CAPN2: variants seen among roughly 807,000 people sequenced by gnomAD.
CAPN2 encodes calpain 2.
A neutral mutation model predicts 102.3 loss-of-function variants in CAPN2; 92 were observed. The ratio of observed to expected loss-of-function variants is 0.90; its 90% CI spans 0.76 to 1.07. CAPN2 has a LOEUF of 1.07. Among genes scored for constraint, CAPN2 ranks in the 50% least tolerant of loss-of-function variants. The pLI, the probability that CAPN2 is intolerant of heterozygous loss-of-function variation, is 0.00. For synonymous variants in CAPN2, 340 were observed against 355.4 expected (o/e 0.96, Z 0.49); for missense variants, 800 against 909.4 (o/e 0.88, Z 1.55).
intron 2 of CAPN2, among the ~76,000 whole-genome samples, chr1:223,729,230 C>T (rs968760584): frequency 9.2e-5 from 14 of 152,230 alleles, no homozygotes; most frequent in Non-Finnish European, 1.8e-4. Flanking sequence ...AGTACCCATA[C>T]AACCATTCTG....
chr1:223,746,773 C>A (rs1218870294), intron 4 of CAPN2, among the ~76,000 whole-genome samples: 1 of 152,088 alleles, frequency 6.6e-6, no homozygotes, highest in African/African-American at 2.4e-5. Flanking sequence ...AGCTACCGCG[C>A]CCGGCCTGAG....
upstream of CAPN2, among the ~76,000 whole-genome samples, chr1:223,708,910 A>AAAAG (rs1558377487): frequency 3.9e-5 from 6 of 151,944 alleles, no homozygotes; most frequent in Admixed American, 1.3e-4. Flanking sequence ...GAAAAGAAAA[A>AAAAG]AAAAGAGAGA....
intron 1 of CAPN2, among the ~76,000 whole-genome samples, chr1:223,716,977 T>C (rs1659891507): frequency 6.6e-6 from 1 of 152,182 alleles, no homozygotes; most frequent in African/African-American, 2.4e-5. Context: ...CTGTGAACTG[T>C]GTTAACTTTG....
At position 223,725,614 on chromosome 1, in the gene CAPN2, T is replaced by C. The variant is rs1465258387; in HGVS notation, c.307+7783T>C. ...TGAATACCCGACTGGGTCCCAGCTT[T>C]AGCACTTGACATTGGCGGCCACCTA... On this transcript the variant is annotated intron_variant, in intron 2 of 20. Transcript: ENST00000295006. This position sits in a 1 kb window ranked among gnomAD's most constrained non-coding sequence, Gnocchi z 4.1. Among the ~76,000 whole-genome samples the C allele has an allele frequency of 1.3e-5, 2 of 152,116 alleles. No homozygotes were observed.
chr1:223,735,724 G>A (rs1244981148), intron 2 of CAPN2, among the ~76,000 whole-genome samples: 1 of 151,982 alleles, frequency 6.6e-6, no homozygotes, highest in Non-Finnish European at 1.5e-5. Flanking sequence ...GCAGCGAGGG[G>A]GACAGCCAGC....
chr1:223,724,268 G>A (rs546436125), intron 2 of CAPN2, among the ~76,000 whole-genome samples: 16 of 152,162 alleles, frequency 1.1e-4, no homozygotes, highest in Non-Finnish European at 2.4e-4. Context: ...CTGGGGATTT[G>A]AGAAATGAAG....
chr1:223,741,435 A>ACT (rs1382515776), intron 2 of CAPN2, among the ~76,000 whole-genome samples: 1 of 40,592 alleles, frequency 2.5e-5, no homozygotes. Context: ...ATATATATAT[A>ACT]ATGTGTATAT....
chr1:223,751,193 G>A (rs1003046694), intron 7 of CAPN2, among the ~76,000 whole-genome samples: 12 of 152,170 alleles, frequency 7.9e-5, no homozygotes, highest in African/African-American at 2.7e-4. Flanking sequence ...CAGGCCCCAA[G>A]CTGCTCGTGT....
chr1:223,752,152 C>T (rs111269458), intron 8 of CAPN2, 81 bp downstream of exon 8: 6 of 991,964 alleles, frequency 6.0e-6, no homozygotes, highest in African/African-American at 1.6e-5. Context: ...GAAAGAGTGT[C>T]GGCCAAAGTG....
chr1:223,704,227 G>T (rs753976252), intron 1 of CAPN2, among the ~76,000 whole-genome samples: 3 of 152,112 alleles, frequency 2.0e-5, no homozygotes, highest in African/African-American at 4.8e-5. Context: ...GTGGGTAGAG[G>T]TCGCGGTGAG....
In CAPN2 at chr1:223,731,936, A is replaced by G. The variant is rs1400674049; in HGVS notation, c.308-12164A>G. Among the ~76,000 whole-genome samples, 1 of 152,194 alleles carries G rather than the reference A, an allele frequency of 6.6e-6. No individual in the cohort carries two copies. The highest frequency in any genetic ancestry group is 1.5e-5 in the Non-Finnish European group (1 of 68,032). On this transcript the variant is annotated intron_variant, in intron 2 of 20. Transcript: ENST00000295006. This position sits in a 1 kb window ranked among gnomAD's most constrained non-coding sequence, Gnocchi z 4.2. ...CTGAGTTCTTTCCCTACTTGGTATC[A>G]GTTGCAAAGAAAGAACACTCAGTTG...
Position 223,752,048 on chromosome 1 carries a change from A to G in CAPN2, c.951A>G (p.Arg317=). 1 of 1,613,190 alleles carries G rather than the reference A, an allele frequency of 6.2e-7. No homozygotes were observed. The highest frequency in any genetic ancestry group is 1.1e-5 in the South Asian group (1 of 91,044). ...IDPEERERLT[R]RHEDGEFWMS... ...CAGAGGAGAGGGAAAGGCTGACCAG[A>G]CGGCATGAAGATGGAGAATTCTGGT... is the stretch of plus-strand genomic sequence containing the variant. Residue 317 remains arginine, a synonymous_variant, in exon 8 of 21, where the codon AGA becomes AGG. Transcript: ENST00000295006.
At chr1:223,703,091 T>C (rs1222049640) in intron 1 of CAPN2, among the ~76,000 whole-genome samples, 2 of 152,154 alleles carry the variant, frequency 1.3e-5, no homozygotes, top group Non-Finnish European at 2.9e-5. Flanking sequence ...TTCTCCCCCA[T>C]TTGCTCTGCA....
chr1:223,711,838 C>T (rs774914293), upstream of CAPN2, among the ~76,000 whole-genome samples: 3 of 152,160 alleles, frequency 2.0e-5, no homozygotes, highest in South Asian at 6.2e-4. Context: ...CCAGGTGATC[C>T]GCCTGCCTCC....
At position 223,754,974 on chromosome 1, in the gene CAPN2, G is replaced by C. The variant is rs1558073782; in HGVS notation, c.1136-506G>C. 6.6e-6 allele frequency among the ~76,000 whole-genome samples: 1 copy of C among 152,118 alleles called. No individual in the cohort carries two copies. The highest frequency in any genetic ancestry group is 1.5e-5 in the Non-Finnish European group (1 of 68,026). Reference sequence around the variant, plus strand: ...TCCAGAGTGACAGACCAGTCCCCAAGACAAGCCAGCCTGGAGCCAGAGAGA... The same window carrying C: ...TCCAGAGTGACAGACCAGTCCCCAACACAAGCCAGCCTGGAGCCAGAGAGA... On this transcript the variant is annotated intron_variant, in intron 9 of 20. Coordinates refer to ENST00000295006, the MANE Select transcript of CAPN2 (RefSeq NM_001748.5). This position sits in a 1 kb window ranked among gnomAD's most constrained non-coding sequence, Gnocchi z 4.7.
rs1051075732 is a variant in CAPN2, at chr1:223,771,965, T to G, written c.2020+40T>G. On this transcript the variant is annotated intron_variant, in intron 19 of 20. Transcript: ENST00000295006. ...GGGGAATGACTCATTTCAGTTCTCT[T>G]GGTATTAAAGTGGCCTGCCTTTCAC... The G allele has an allele frequency of 1.3e-5, 19 of 1,444,768 alleles. No homozygotes were observed. In the African/African-American group the frequency reaches 2.1e-4, roughly 16 times the overall value. 89.5% of individuals were successfully genotyped at this position (1,444,768 alleles called of 1,614,324 possible).
At chr1:223,766,812 T>G (rs1382344145) in intron 16 of CAPN2, among the ~76,000 whole-genome samples, 1 of 151,978 alleles carries the variant, frequency 6.6e-6, no homozygotes, top group Non-Finnish European at 1.5e-5. Context: ...ATACAAAAAT[T>G]AGCTGGGTGT....
chr1:223,720,242 A>G (rs1221076689), intron 2 of CAPN2, among the ~76,000 whole-genome samples: 2 of 151,834 alleles, frequency 1.3e-5, no homozygotes, highest in African/African-American at 4.8e-5. Context: ...CGGGTTTCTA[A>G]CCAGCTACTC....
At chr1:223,762,117 A>G (rs887021017) in intron 13 of CAPN2, 69 bp from the exon 14 acceptor site, 8 of 1,364,708 alleles carry the variant, frequency 5.9e-6, no homozygotes, top group Non-Finnish European at 8.3e-6. Context: ...GCTGCCATGG[A>G]AGGGCGGGCA....
Sources: allele counts gnomAD v4.1 joint callset (sites outside exome capture counted in the v4.1 genomes callset), GRCh38; gene constraint gnomAD v4.1.1; non-coding constraint Gnocchi (gnomAD v3.1); transcripts MANE v1.5; gene names NCBI Gene and HGNC (gene_info 2026-07-23, HGNC 2026-07-21).